Variants in ENTREP2 observed in about 807,000 individuals in gnomAD.
ENTREP2 encodes protein ENTREP2.
the ENTREP2 span, among the ~76,000 whole-genome samples, chr15:29,283,410 G>A: frequency 6.6e-6 from 1 of 152,132 alleles, no homozygotes; most frequent in Non-Finnish European, 1.5e-5. Context: ...GTGCAATGGT[G>A]TGAGCATAGC....
the ENTREP2 span, among the ~76,000 whole-genome samples, chr15:29,169,886 A>G: frequency 6.6e-6 from 1 of 152,246 alleles, no homozygotes; most frequent in Non-Finnish European, 1.5e-5. Flanking sequence ...CAAAAGAAGT[A>G]AAGTGTGTTC....
chr15:29,221,920 G>T, the ENTREP2 span, among the ~76,000 whole-genome samples: 3 of 152,216 alleles, frequency 2.0e-5, no homozygotes, highest in Non-Finnish European at 4.4e-5. Flanking sequence ...AAGTTAACTT[G>T]GGAAAACAGT....
the ENTREP2 span, chr15:29,269,085 G>C: frequency 6.2e-7 from 1 of 1,614,152 alleles, no homozygotes. Flanking sequence ...TGGTGGGGTA[G>C]ACCCCTAAGC....
At chr15:29,122,945 T>C in the ENTREP2 span, 1 of 170,034 alleles carries the variant, frequency 5.9e-6, no homozygotes, top group African/African-American at 2.4e-5. Context: ...GATGGGAGAC[T>C]CCTGCTTTGG....
the ENTREP2 span, among the ~76,000 whole-genome samples, chr15:29,177,862 G>A: frequency 2.0e-5 from 3 of 146,836 alleles, no homozygotes; most frequent in Admixed American, 2.0e-4. Flanking sequence ...AAAGCACTGT[G>A]AAGGGAGCTT....
At chr15:29,314,463 A>C in the ENTREP2 span, among the ~76,000 whole-genome samples, 1 of 152,184 alleles carries the variant, frequency 6.6e-6, no homozygotes, top group Non-Finnish European at 1.5e-5. Flanking sequence ...CCACCAGCAA[A>C]CAGATGACAA....
the ENTREP2 span, among the ~76,000 whole-genome samples, chr15:29,348,312 G>A: frequency 6.6e-6 from 1 of 151,790 alleles, no homozygotes; most frequent in Non-Finnish European, 1.5e-5. Context: ...GTAAGTGGGG[G>A]AAATGGAAAC....
At chr15:29,469,017 C>T in the ENTREP2 span, among the ~76,000 whole-genome samples, 3 of 152,138 alleles carry the variant, frequency 2.0e-5, no homozygotes, top group Admixed American at 6.5e-5. Context: ...CCTAGGGCTC[C>T]GGCTTAGGAT....
At chr15:29,640,485 C>T in the ENTREP2 span, among the ~76,000 whole-genome samples, 1 of 152,024 alleles carries the variant, frequency 6.6e-6, no homozygotes, top group East Asian at 1.9e-4. Context: ...TGGTGAAACC[C>T]CATCTCTACA....
chr15:29,564,353 C>T, the ENTREP2 span, among the ~76,000 whole-genome samples: 4 of 152,176 alleles, frequency 2.6e-5, no homozygotes, highest in Non-Finnish European at 5.9e-5. Flanking sequence ...ACTGTTAAAG[C>T]AGTTTTTGAG....
the ENTREP2 span, among the ~76,000 whole-genome samples, chr15:29,405,263 C>T: frequency 7.2e-5 from 11 of 152,026 alleles, no homozygotes; most frequent in Middle Eastern, 3.2e-3. Flanking sequence ...GTGGCATATG[C>T]CTGTAATCCC....
the ENTREP2 span, among the ~76,000 whole-genome samples, chr15:29,379,591 T>C: frequency 1.3e-5 from 2 of 152,158 alleles, no homozygotes; most frequent in South Asian, 2.1e-4. Flanking sequence ...TCTACTCCTG[T>C]AGGTCCAGCT....
At chr15:29,573,645 C>T in the ENTREP2 span, among the ~76,000 whole-genome samples, 2 of 147,548 alleles carry the variant, frequency 1.4e-5, no homozygotes, top group Non-Finnish European at 1.5e-5. Flanking sequence ...CTCTCTCCCC[C>T]CCTCTCTCTC....
the ENTREP2 span, among the ~76,000 whole-genome samples, chr15:29,406,413 T>G: frequency 1.2e-4 from 18 of 152,104 alleles, no homozygotes; most frequent in Admixed American, 1.0e-3. Context: ...TCAAGCATCA[T>G]AGCAGGTGCC....
At chr15:29,213,500 C>G in the ENTREP2 span, among the ~76,000 whole-genome samples, 1 of 152,034 alleles carries the variant, frequency 6.6e-6, no homozygotes, top group East Asian at 1.9e-4. Flanking sequence ...TGAAGAGGTC[C>G]TTCACATCCC....
At chr15:29,157,357 G>A in the ENTREP2 span, among the ~76,000 whole-genome samples, 1 of 152,196 alleles carries the variant, frequency 6.6e-6, no homozygotes, top group Non-Finnish European at 1.5e-5. Context: ...TCAGACTTCA[G>A]GGGCCTGGGG....
the ENTREP2 span, among the ~76,000 whole-genome samples, chr15:29,209,339 T>C: frequency 1.3e-5 from 2 of 151,980 alleles, no homozygotes. Flanking sequence ...CCGTCTCTAC[T>C]AAAAATACAA....
At chr15:29,457,609 G>A in the ENTREP2 span, among the ~76,000 whole-genome samples, 1 of 152,282 alleles carries the variant, frequency 6.6e-6, no homozygotes, top group East Asian at 1.9e-4. Context: ...GCTGGCACCC[G>A]CTGCCAGGGC....
At chr15:29,329,128 C>T in the ENTREP2 span, among the ~76,000 whole-genome samples, 4 of 152,020 alleles carry the variant, frequency 2.6e-5, no homozygotes, top group South Asian at 4.2e-4. Flanking sequence ...TTTGGGAGGC[C>T]GAGGCGGGTG....
Sources: gnomAD v4.1 joint callset for allele counts (sites outside exome capture counted in the v4.1 genomes callset) on GRCh38, gnomAD v4.1.1 for gene constraint, MANE v1.5 for transcripts, NCBI Gene and HGNC (gene_info 2026-07-23, HGNC 2026-07-21) for gene names.